The following ASTN1 variants were observed in gnomAD, a reference collection of about 807,000 sequenced individuals.
The protein encoded by ASTN1 is astrotactin 1.
ASTN1 carries 41 observed loss-of-function variants against 140.7 expected under a neutral mutation model. That is an observed-to-expected ratio of 0.29 (90% CI 0.23 to 0.38). The LOEUF is 0.38. Among genes scored for constraint, ASTN1 ranks in the 10% least tolerant of loss-of-function variants. ASTN1 has a pLI of 1.00. For synonymous variants in ASTN1, 640 were observed against 652.2 expected, an observed-to-expected ratio of 0.98 and a Z score of 0.29; for missense variants, 1,479 against 1,678.8, an observed-to-expected ratio of 0.88 and a Z score of 2.08.
At chr1:177,066,503 G>A (rs898520801) in intron 1 of ASTN1, among the ~76,000 whole-genome samples, 1 of 152,138 alleles carries the variant, frequency 6.6e-6, no homozygotes, top group Non-Finnish European at 1.5e-5. Flanking sequence ...TTTTTGTGGG[G>A]TTAGATTAGG....
At chr1:177,012,020 T>C (rs145225823) in intron 8 of ASTN1, among the ~76,000 whole-genome samples, 2 of 152,224 alleles carry the variant, frequency 1.3e-5, no homozygotes, top group Admixed American at 6.5e-5. Context: ...GCTATTTTAA[T>C]GTACGCAATA....
At position 176,945,155 on chromosome 1, in the gene ASTN1, A is replaced by C. The variant is rs183308191; in HGVS notation, c.2249+771T>G. On this transcript the variant is annotated intron_variant, in intron 13 of 22. Transcript: ENST00000361833. The stretch of plus-strand genomic sequence containing the variant: ...ACAGGCATTGAATGGAGAACCACCT[A>C]GAAATATTCTAAATCAATGGTTTGA... 2.3e-3 allele frequency among the ~76,000 whole-genome samples: 346 copies of C among 152,318 alleles called. 1 individual carries two copies. The highest frequency in any genetic ancestry group is 3.8e-3 in the Non-Finnish European group (259 of 68,026).
intron 2 of ASTN1, among the ~76,000 whole-genome samples, chr1:177,056,572 TATATATATATATATAC>T (rs137877032): frequency 0.073 from 10,751 of 148,196 alleles, 475 homozygotes; most frequent in South Asian, 0.13. Context: ...CATATATATA[TATATATATATATATAC>T]ACATATCTCC....
At chr1:177,035,279 T>C (rs1463549967) in intron 2 of ASTN1, among the ~76,000 whole-genome samples, 3 of 152,218 alleles carry the variant, frequency 2.0e-5, no homozygotes, top group Non-Finnish European at 2.9e-5. Flanking sequence ...TCACCCAGAA[T>C]GAGCATTGCT....
Position 176,905,510 on chromosome 1 carries a change from T to C in ASTN1, c.2672-10680A>G, listed in dbSNP as rs1355619023. ...CTTCTGTTTTTAAAATGGATTTGGA[T>C]GTTAAATCCTCTTGCTGCCCTGACC... On this transcript the variant is annotated intron_variant, in intron 16 of 22. Transcript: ENST00000361833. Among the ~76,000 whole-genome samples, 4 of 152,230 alleles carry C rather than the reference T, an allele frequency of 2.6e-5. No individual in the cohort carries two copies. The East Asian group carries it at 7.7e-4, about 29-fold the overall frequency.
At position 177,158,407 on chromosome 1, in the gene ASTN1, T is replaced by G. The variant is rs769881028; in HGVS notation, c.283+5987A>C. On this transcript the variant is annotated intron_variant, in intron 1 of 22. Transcript: ENST00000361833. ...AAGAATAATAAAATGATGATAGGTG[T>G]CAATTTGTATAGTACATTCGAAATT... is the stretch of plus-strand genomic sequence containing the variant. Among the ~76,000 whole-genome samples, 87 of 152,284 alleles carry G rather than the reference T, an allele frequency of 5.7e-4. 1 individual carries two copies. The highest frequency in any genetic ancestry group is 9.3e-4 in the Non-Finnish European group (63 of 68,004).
intron 16 of ASTN1, among the ~76,000 whole-genome samples, chr1:176,909,588 T>A (rs1670143705): frequency 6.6e-6 from 1 of 152,202 alleles, no homozygotes; most frequent in African/African-American, 2.4e-5. Flanking sequence ...GCCAACCTTT[T>A]TTGTTACAAA....
At chr1:177,031,962 G>A (rs1441277085) in intron 3 of ASTN1, among the ~76,000 whole-genome samples, 1 of 152,124 alleles carries the variant, frequency 6.6e-6, no homozygotes, top group Non-Finnish European at 1.5e-5. Flanking sequence ...TGCATCCCTT[G>A]TAGAGAGCAC....
intron 2 of ASTN1, among the ~76,000 whole-genome samples, chr1:177,038,141 T>C (rs1676813554): frequency 6.6e-6 from 1 of 152,226 alleles, no homozygotes; most frequent in Non-Finnish European, 1.5e-5. Flanking sequence ...GACCTGTATA[T>C]TCATCCTGGG....
At chr1:177,108,674 T>C (rs1307772952) in intron 1 of ASTN1, among the ~76,000 whole-genome samples, 2 of 152,194 alleles carry the variant, frequency 1.3e-5, no homozygotes, top group Non-Finnish European at 2.9e-5. Context: ...TAATTGGTGA[T>C]GTCATTTATT....
chr1:177,110,515 G>A (rs1208107217), intron 1 of ASTN1, among the ~76,000 whole-genome samples: 1 of 152,128 alleles, frequency 6.6e-6, no homozygotes, highest in Non-Finnish European at 1.5e-5. Context: ...CTAGAATAAA[G>A]ATTAGATTAT....
chr1:177,026,597 T>C (rs913242849), intron 5 of ASTN1, among the ~76,000 whole-genome samples: 2 of 152,158 alleles, frequency 1.3e-5, no homozygotes, highest in African/African-American at 2.4e-5. Flanking sequence ...CTGTTCTTCA[T>C]AGTGGTTGTA....
chr1:177,057,996 C>T (rs2102026870), intron 2 of ASTN1, among the ~76,000 whole-genome samples: 1 of 152,264 alleles, frequency 6.6e-6, no homozygotes, highest in East Asian at 1.9e-4. Context: ...AAACAGGATA[C>T]CCTCAGGCTT....
At chr1:177,100,452 T>C (rs1306553367) in intron 1 of ASTN1, among the ~76,000 whole-genome samples, 1 of 152,114 alleles carries the variant, frequency 6.6e-6, no homozygotes, top group African/African-American at 2.4e-5. Flanking sequence ...TGCATACACA[T>C]AGAATTCTTC....
chr1:176,991,413 C>CAAAAAAAAAAAAAAAAAAAAAACAA (rs1200261285), intron 8 of ASTN1, among the ~76,000 whole-genome samples: 1 of 109,538 alleles, frequency 9.1e-6, no homozygotes, highest in Non-Finnish European at 1.9e-5. Context: ...AACTCTGTCT[C>CAAAAAAAAAAAAAAAAAAAAAACAA]AAAAAAAAAA....
intron 7 of ASTN1, among the ~76,000 whole-genome samples, chr1:177,016,835 T>C (rs961801139): frequency 6.6e-6 from 1 of 152,186 alleles, no homozygotes; most frequent in Non-Finnish European, 1.5e-5. Context: ...AGTTAATAGG[T>C]CAAGGTCTCA....
chr1:177,045,789 T>G (rs1677187669), intron 2 of ASTN1, among the ~76,000 whole-genome samples: 1 of 152,182 alleles, frequency 6.6e-6, no homozygotes, highest in African/African-American at 2.4e-5. Context: ...TAACTGTTCC[T>G]GCTCCACCCC....
At chr1:176,901,251 A>G (rs964049905) in intron 16 of ASTN1, among the ~76,000 whole-genome samples, 2 of 152,198 alleles carry the variant, frequency 1.3e-5, no homozygotes, top group African/African-American at 4.8e-5. Context: ...TCATTTTGCA[A>G]ATTTTCTAAA....
intron 16 of ASTN1, among the ~76,000 whole-genome samples, chr1:176,931,660 G>A (rs1671209298): frequency 6.6e-6 from 1 of 152,078 alleles, no homozygotes; most frequent in African/African-American, 2.4e-5. Context: ...TCCTCAGTCA[G>A]GCATAACTAA....
Sources: allele counts gnomAD v4.1 joint callset (sites outside exome capture counted in the v4.1 genomes callset), GRCh38; gene constraint gnomAD v4.1.1; transcripts MANE v1.5; gene names NCBI Gene and HGNC (gene_info 2026-07-23, HGNC 2026-07-21).